The following LRP5 variants were observed in gnomAD, a reference collection of about 807,000 sequenced individuals.
LRP5 encodes low-density lipoprotein receptor-related protein 5.
LRP5 carries 62 observed loss-of-function variants against 154.1 expected under a neutral mutation model. The observed-to-expected ratio is 0.40, with a 90% CI of 0.33 to 0.50. The LOEUF (loss-of-function observed/expected upper bound fraction) is 0.50. LRP5 is among the 20% of genes least tolerant of loss of function. The pLI is 0.55. For synonymous variants in LRP5, 966 were observed against 1,011.5 expected, an observed-to-expected ratio of 0.96 and a Z score of 0.85; for missense variants, 1,915 against 2,336.7, an observed-to-expected ratio of 0.82 and a Z score of 3.72.
In LRP5 at chr11:68,406,674, G is replaced by A. The variant is rs780994858; in HGVS notation, c.1952G>A (p.Ser651Asn). ...CCTGAGGCCTTCTTGGTCTTCACCAGCAGAGCCGCCATCCACAGGATCTCC... is the reference window on the plus strand; with the variant it reads ...CCTGAGGCCTTCTTGGTCTTCACCAACAGAGCCGCCATCCACAGGATCTCC... Reference protein sequence around the residue: ...IVPEAFLVFTSRAAIHRISLE... With the variant: ...IVPEAFLVFTNRAAIHRISLE... The change falls in exon 9 of 23, where the codon AGC becomes AAC. Residue 651 changes from serine to asparagine, a missense_variant. By Grantham distance (46) the Ser-to-Asn change is conservative. Coordinates refer to ENST00000294304, the MANE Select transcript of LRP5 (RefSeq NM_002335.4). 5 of 1,614,054 alleles carry A rather than the reference G, an allele frequency of 3.1e-6. No individual in the cohort carries two copies. The African/African-American group carries it at 5.3e-5, about 17-fold the overall frequency.
intron 1 of LRP5, among the ~76,000 whole-genome samples, chr11:68,328,610 G>A (rs564006151): frequency 2.0e-5 from 3 of 152,334 alleles, no homozygotes; most frequent in Non-Finnish European, 4.4e-5. Flanking sequence ...CCGACTGTCG[G>A]GGGGTTTGGC....
intron 1 of LRP5, among the ~76,000 whole-genome samples, chr11:68,324,637 A>T (rs2098598603): frequency 6.6e-6 from 1 of 152,232 alleles, no homozygotes; most frequent in Admixed American, 6.5e-5. Context: ...TCTGTTTTGA[A>T]AGGTTTTATC....
intron 5 of LRP5, among the ~76,000 whole-genome samples, chr11:68,370,364 G>T (rs1216694312): frequency 3.9e-5 from 6 of 152,106 alleles, no homozygotes; most frequent in Non-Finnish European, 7.4e-5. Flanking sequence ...GGGGAGAGGG[G>T]GGGACAGGCC....
At chr11:68,446,582 C>T (rs376141676) in intron 22 of LRP5, 49 bp downstream of exon 22, 59 of 1,490,984 alleles carry the variant, frequency 4.0e-5, no homozygotes, top group African/African-American at 2.8e-4. Context: ...CCCGCCAGCC[C>T]GTGGTGGAGG....
chr11:68,361,434 A>G (rs1431993967), intron 3 of LRP5, among the ~76,000 whole-genome samples: 1 of 152,168 alleles, frequency 6.6e-6, no homozygotes, highest in Non-Finnish European at 1.5e-5. Context: ...TAGGAGATCG[A>G]GACCATCCTG....
At position 68,389,975 on chromosome 11, in the gene LRP5, G is replaced by A. The variant is rs766988509; in HGVS notation, c.1507G>A (p.Gly503Arg). 3.1e-6 allele frequency: 5 copies of A among 1,614,126 alleles called. No individual in the cohort carries two copies. The highest frequency in any genetic ancestry group is 3.4e-6 in the Non-Finnish European group (4 of 1,180,022). ...GCGTGTGCTGGTCAATGCCTCCCTC[G>A]GGTGGCCCAACGGCCTGGCCCTGGA... ...ERRVLVNASL[G>R]WPNGLALDLQ... The change falls in exon 7 of 23, where the codon GGG (glycine) becomes AGG (arginine). Residue 503 changes from glycine to arginine, a missense_variant. Physicochemically the swap from Gly to Arg is moderately radical, Grantham distance 125. This residue lies in a region of LRP5 where 773 missense variants were observed against 1,100.9 expected (regional missense o/e 0.70). Transcript: ENST00000294304.
chr11:68,302,564 T>C, the LRP5 span, among the ~76,000 whole-genome samples: 13 of 152,274 alleles, frequency 8.5e-5, no homozygotes, highest in East Asian at 2.3e-3. Context: ...TAAACCAGGA[T>C]GGTCGGTTGC....
chr11:68,335,889 T>G (rs193047581), intron 1 of LRP5, among the ~76,000 whole-genome samples: 51 of 152,254 alleles, frequency 3.3e-4, no homozygotes, highest in Non-Finnish European at 2.8e-4. Context: ...CGTGTGATGG[T>G]GACTCAGTTT....
In LRP5 at chr11:68,413,616, C is replaced by T; in HGVS notation, c.2504-73C>T. 2.9e-6 allele frequency: 4 copies of T among 1,393,046 alleles called. No individual in the cohort carries two copies. Among genetic ancestry groups the T allele is most frequent in the Non-Finnish European group, 4.1e-6 (4 of 982,560 alleles). The allele number at this position is 1,393,046 out of a possible 1,614,324, so 86.3% of individuals were successfully genotyped here. ...GGCTGCAGGGTTGAACCCTGGCTCA[C>T]CCCGCAGGGCGCCGTGTGCTCTGTG... On this transcript the variant is annotated intron_variant, in intron 11 of 22. Coordinates refer to ENST00000294304, the MANE Select transcript of LRP5 (RefSeq NM_002335.4). The surrounding 1 kb of genome is among the most constrained non-coding windows in gnomAD (Gnocchi z 5.1).
intron 6 of LRP5, among the ~76,000 whole-genome samples, chr11:68,387,963 G>A (rs2098643940): frequency 6.6e-6 from 1 of 152,206 alleles, no homozygotes; most frequent in African/African-American, 2.4e-5. Flanking sequence ...CCAGCCCTGG[G>A]GGTTGTGAGT....
At chr11:68,313,852 T>C (rs940835960) in intron 1 of LRP5, among the ~76,000 whole-genome samples, 1 of 152,188 alleles carries the variant, frequency 6.6e-6, no homozygotes, top group Non-Finnish European at 1.5e-5. Flanking sequence ...TCCCTGAATA[T>C]TTCCAGTGTG....
intron 1 of LRP5, among the ~76,000 whole-genome samples, chr11:68,333,451 G>T (rs1004707256): frequency 6.6e-6 from 1 of 152,168 alleles, no homozygotes; most frequent in Non-Finnish European, 1.5e-5. Flanking sequence ...GAGGAGACCA[G>T]CTCACTTGTA....
chr11:68,367,539 C>T (rs574720559), intron 5 of LRP5, among the ~76,000 whole-genome samples: 17 of 152,298 alleles, frequency 1.1e-4, no homozygotes, highest in African/African-American at 3.9e-4. Flanking sequence ...GCTGGCTGCC[C>T]GGGAACCTTG....
chr11:68,410,183 A>G (rs751057761), intron 10 of LRP5, 43 bp downstream of exon 10: 2 of 1,542,730 alleles, frequency 1.3e-6, no homozygotes, highest in East Asian at 4.6e-5. Flanking sequence ...TTCACCTCGT[A>G]TGAGACAGTG....
Position 68,426,127 on chromosome 11 carries a change from G to A in LRP5, c.3577G>A (p.Gly1193Ser). 1 of 1,613,174 alleles carries A rather than the reference G, an allele frequency of 6.2e-7. No homozygotes were observed. Among genetic ancestry groups the A allele is most frequent in the Non-Finnish European group, 8.5e-7 (1 of 1,180,024 alleles). ...TTGDKRTRIQ[G>S]RVAHLTGIHA... ...CGGGGACAAGCGGACTCGCATCCAG[G>A]GCCGTGTCGCCCACCTCACTGGCAT... The change falls in exon 16 of 23, where the codon GGC becomes AGC. Residue 1193 changes from glycine to serine, a missense_variant. Physicochemically the swap from Gly to Ser is moderately conservative, Grantham distance 56 (BLOSUM62 0). Transcript: ENST00000294304.
intron 1 of LRP5, among the ~76,000 whole-genome samples, chr11:68,336,092 G>C (rs531141559): frequency 1.1e-4 from 17 of 152,352 alleles, no homozygotes; most frequent in East Asian, 7.7e-4. Context: ...GAGCACACCA[G>C]AGCCCAGGTC....
chr11:68,326,521 C>T (rs1309858229), intron 1 of LRP5, among the ~76,000 whole-genome samples: 2 of 152,246 alleles, frequency 1.3e-5, no homozygotes, highest in South Asian at 2.1e-4. Context: ...TCGCCCTGGC[C>T]GTGACGGTCA....
intron 1 of LRP5, among the ~76,000 whole-genome samples, chr11:68,335,120 A>G (rs946238246): frequency 3.6e-5 from 5 of 140,398 alleles, no homozygotes; most frequent in Non-Finnish European, 7.6e-5. Flanking sequence ...GTGTCACCCC[A>G]GGCTGGAATG....
chr11:68,345,851 G>A (rs2098612487), intron 1 of LRP5, among the ~76,000 whole-genome samples: 1 of 152,106 alleles, frequency 6.6e-6, no homozygotes, highest in African/African-American at 2.4e-5. Context: ...TTTTTTGATA[G>A]TAGCCGTCCT....
Sources: gnomAD v4.1 joint callset for allele counts (sites outside exome capture counted in the v4.1 genomes callset) on GRCh38, gnomAD v4.1.1 for gene constraint, gnomAD v4.1.1 regional missense constraint, Gnocchi (gnomAD v3.1) non-coding constraint, MANE v1.5 for transcripts, NCBI Gene and HGNC (gene_info 2026-07-23, HGNC 2026-07-21) for gene names.